Variants in SLC22A15 observed in about 807,000 individuals in gnomAD.
SLC22A15 encodes the protein solute carrier family 22 member 15, also known as flipt 1.
In SLC22A15, 45 loss-of-function variants were observed where a neutral mutation model predicts 62.7. The ratio of observed to expected loss-of-function variants is 0.72; its 90% CI spans 0.56 to 0.92. SLC22A15 has a LOEUF of 0.92. Among genes scored for constraint, SLC22A15 ranks in the 40% least tolerant of loss-of-function variants. The pLI is 0.00. For synonymous variants in SLC22A15, 264 were observed against 267.0 expected (o/e 0.99, Z 0.11); for missense variants, 622 against 665.6 (o/e 0.93, Z 0.72).
intron 4 of SLC22A15, 79 bp from the exon 5 acceptor site, chr1:116,026,814 T>G: frequency 1.0e-5 from 16 of 1,559,684 alleles, no homozygotes; most frequent in Non-Finnish European, 1.4e-5. Context: ...CAGGAAGAAA[T>G]TGGCTCTGTA....
At chr1:116,045,872 T>A (rs1222166613) in intron 8 of SLC22A15, among the ~76,000 whole-genome samples, 1 of 139,480 alleles carries the variant, frequency 7.2e-6, no homozygotes, top group Non-Finnish European at 1.7e-5. Context: ...GTCAATTGAT[T>A]TTTTTTTTGA....
chr1:115,998,363 G>GTA (rs1268899128), intron 2 of SLC22A15, among the ~76,000 whole-genome samples: 1 of 152,074 alleles, frequency 6.6e-6, no homozygotes, highest in African/African-American at 2.4e-5. Context: ...AGTAGGATTG[G>GTA]TATTAGTTCT....
At chr1:116,004,809 A>G (rs536551846) in intron 2 of SLC22A15, among the ~76,000 whole-genome samples, 1 of 152,270 alleles carries the variant, frequency 6.6e-6, no homozygotes, top group South Asian at 2.1e-4. Context: ...GTACCTGTAG[A>G]TTTCCTTTTG....
At chr1:116,032,604 A>G (rs927092660) in intron 6 of SLC22A15, 1 of 985,312 alleles carries the variant, frequency 1.0e-6, no homozygotes, top group African/African-American at 1.7e-5. Context: ...TGCCACCTGT[A>G]TGGTTGGGGG....
At chr1:115,983,286 A>T (rs974578582) in intron 1 of SLC22A15, among the ~76,000 whole-genome samples, 1 of 152,132 alleles carries the variant, frequency 6.6e-6, no homozygotes, top group Non-Finnish European at 1.5e-5. Flanking sequence ...GACATTTCTG[A>T]TGGAAAAATA....
chr1:116,034,307 TA>T (rs1657552153), intron 6 of SLC22A15, among the ~76,000 whole-genome samples: 1 of 152,204 alleles, frequency 6.6e-6, no homozygotes, highest in Admixed American at 6.5e-5. Context: ...TTTATTTTAA[TA>T]ATGCAGTTTC....
intron 2 of SLC22A15, among the ~76,000 whole-genome samples, chr1:116,019,035 G>A (rs780955374): frequency 4.6e-5 from 7 of 152,148 alleles, no homozygotes; most frequent in Non-Finnish European, 7.3e-5. Context: ...ATGAACATGG[G>A]TGTACAAATA....
chr1:116,028,428 C>T (rs767313267), intron 5 of SLC22A15, among the ~76,000 whole-genome samples: 11 of 149,898 alleles, frequency 7.3e-5, no homozygotes, highest in South Asian at 4.3e-4. Flanking sequence ...TAAAATGTTT[C>T]GTAAATTTCC....
chr1:116,062,731 G>A, intron 8 of SLC22A15, 31 bp from the exon 9 acceptor site: 1 of 1,613,010 alleles, frequency 6.2e-7, no homozygotes, highest in Non-Finnish European at 8.5e-7. Flanking sequence ...TCAACTGTGG[G>A]TCTCACAGGC....
intron 2 of SLC22A15, among the ~76,000 whole-genome samples, chr1:116,013,654 T>G (rs531101826): frequency 6.6e-6 from 1 of 152,352 alleles, no homozygotes; most frequent in East Asian, 1.9e-4. Flanking sequence ...AATATTTTGT[T>G]TTTTCAGATT....
chr1:115,977,593 C>CGAAA (rs1654378073), intron 1 of SLC22A15, among the ~76,000 whole-genome samples: 1 of 152,222 alleles, frequency 6.6e-6, no homozygotes, highest in Non-Finnish European at 1.5e-5. Flanking sequence ...TTTACTCTTT[C>CGAAA]CTTCAGTCAT....
intron 2 of SLC22A15, among the ~76,000 whole-genome samples, chr1:116,008,936 G>T (rs1192835546): frequency 6.6e-6 from 1 of 152,112 alleles, no homozygotes; most frequent in Non-Finnish European, 1.5e-5. Flanking sequence ...GAGGAGCCTG[G>T]CCAGTGTTCC....
At chr1:116,043,479 G>C (rs1657846296) in intron 8 of SLC22A15, among the ~76,000 whole-genome samples, 1 of 152,080 alleles carries the variant, frequency 6.6e-6, no homozygotes, top group Non-Finnish European at 1.5e-5. Flanking sequence ...ATAAAGTAAT[G>C]CTTAGAGGGA....
chr1:116,000,615 C>A (rs907887736), intron 2 of SLC22A15, among the ~76,000 whole-genome samples: 15 of 123,078 alleles, frequency 1.2e-4, no homozygotes, highest in Non-Finnish European at 2.1e-4. Flanking sequence ...CATGTAATTT[C>A]TTTTTTTTCC....
rs1055279210 is a variant in SLC22A15 at position 116,026,852 on chromosome 1, T to G, written c.599-41T>G. ...TTGGGGTTGGAAATGGTGCTGCAGA[T>G]GGTGCTTTCTCCAGTGACAGTTCTC... On this transcript the variant is annotated intron_variant, in intron 4 of 11. Coordinates refer to ENST00000369503, the MANE Select transcript of SLC22A15 (RefSeq NM_018420.3). The G allele has an allele frequency of 2.5e-6, 4 of 1,606,532 alleles. No individual in the cohort carries two copies. In the African/African-American group the frequency reaches 4.0e-5, roughly 16 times the overall value.
chr1:116,046,580 A>G (rs558052153), intron 8 of SLC22A15, among the ~76,000 whole-genome samples: 64 of 152,302 alleles, frequency 4.2e-4, no homozygotes, highest in Non-Finnish European at 8.4e-4. Context: ...ACTCAGATGA[A>G]CAGAGCGCTG....
At chr1:116,064,545 C>A in intron 10 of SLC22A15, 37 bp downstream of exon 10, 1 of 1,391,630 alleles carries the variant, frequency 7.2e-7, no homozygotes, top group Non-Finnish European at 1.0e-6. Context: ...TTTCTTGATT[C>A]TCTGCTTTGG....
intron 1 of SLC22A15, among the ~76,000 whole-genome samples, chr1:115,978,800 G>T (rs1283098213): frequency 6.6e-6 from 1 of 152,180 alleles, no homozygotes; most frequent in Non-Finnish European, 1.5e-5. Flanking sequence ...TGTATCACAG[G>T]TGATTTCATC....
At chr1:116,014,612 A>C (rs564622373) in intron 2 of SLC22A15, among the ~76,000 whole-genome samples, 30 of 152,328 alleles carry the variant, frequency 2.0e-4, no homozygotes, top group African/African-American at 6.3e-4. Flanking sequence ...GAAGTACCTT[A>C]ACATAAAAAG....
Sources: allele counts gnomAD v4.1 joint callset (sites outside exome capture counted in the v4.1 genomes callset), GRCh38; gene constraint gnomAD v4.1.1; transcripts MANE v1.5; gene names NCBI Gene and HGNC (gene_info 2026-07-23, HGNC 2026-07-21).